SGK1: variants seen among roughly 807,000 people sequenced by gnomAD.
SGK1 encodes serine/threonine-protein kinase Sgk1.
SGK1 carries 26 observed loss-of-function variants against 64.2 expected under a neutral mutation model. The ratio of observed to expected loss-of-function variants is 0.40; its 90% CI spans 0.30 to 0.56. The LOEUF (loss-of-function observed/expected upper bound fraction) is 0.56, where lower values mean the gene tolerates loss of function less well. SGK1 is among the 20% of genes least tolerant of loss of function. The pLI is 0.38. For missense variants in SGK1, 519 were observed against 645.6 expected (o/e 0.80, Z 2.12); for synonymous variants, 265 against 239.7 (o/e 1.11, Z -0.98).
intron 1 of SGK1, among the ~76,000 whole-genome samples, chr6:134,276,451 G>A (rs2114765124): frequency 6.6e-6 from 1 of 152,286 alleles, no homozygotes; most frequent in Non-Finnish European, 1.5e-5. Flanking sequence ...CCAACCTTGG[G>A]GTGAGTATGT....
intron 2 of SGK1, among the ~76,000 whole-genome samples, chr6:134,208,167 C>T (rs1354644418): frequency 6.6e-6 from 1 of 152,148 alleles, no homozygotes; most frequent in Non-Finnish European, 1.5e-5. Flanking sequence ...CCACCTCGGC[C>T]TCTCAAAGTG....
intron 3 of SGK1, chr6:134,177,959 A>G (rs1775274788): frequency 6.2e-6 from 5 of 800,636 alleles, no homozygotes; most frequent in Non-Finnish European, 9.7e-6. Flanking sequence ...GACATCACTC[A>G]GAAAATTACA....
chr6:134,307,599 A>G (rs1441184528), intron 1 of SGK1, among the ~76,000 whole-genome samples: 3 of 152,234 alleles, frequency 2.0e-5, no homozygotes, highest in Non-Finnish European at 4.4e-5. Flanking sequence ...TTATAATAGC[A>G]AATACAACAT....
intron 3 of SGK1, among the ~76,000 whole-genome samples, chr6:134,206,508 A>C (rs950966102): frequency 6.7e-6 from 1 of 149,882 alleles, no homozygotes; most frequent in Non-Finnish European, 1.5e-5. Flanking sequence ...ATAAACGACA[A>C]AGGGATCTAG....
At chr6:134,180,808 GT>G (rs1164141216) in intron 3 of SGK1, among the ~76,000 whole-genome samples, 2 of 150,442 alleles carry the variant, frequency 1.3e-5, no homozygotes, top group African/African-American at 4.9e-5. Flanking sequence ...GGTGTTGGAG[GT>G]TTCAGTGAGC....
At chr6:134,172,579 A>G in intron 9 of SGK1, 83 bp downstream of exon 9, 2 of 970,354 alleles carry the variant, frequency 2.1e-6, no homozygotes, top group South Asian at 1.5e-5. Flanking sequence ...AATAAACACA[A>G]ATTATTTTAA....
chr6:134,298,580 G>A (rs1777397705), intron 1 of SGK1: 3 of 920,350 alleles, frequency 3.3e-6, no homozygotes, highest in Admixed American at 2.0e-5. Flanking sequence ...TGCCCACTCA[G>A]GAGGAGCTTG....
chr6:134,181,045 A>C (rs986884704), intron 3 of SGK1, among the ~76,000 whole-genome samples: 6 of 152,304 alleles, frequency 3.9e-5, no homozygotes, highest in Middle Eastern at 6.8e-3. Flanking sequence ...GCCTCCCGCA[A>C]TATCTGGCCT....
chr6:134,280,395 G>A (rs1777075835), intron 1 of SGK1, among the ~76,000 whole-genome samples: 2 of 152,058 alleles, frequency 1.3e-5, no homozygotes, highest in African/African-American at 2.4e-5. Flanking sequence ...GTAAAGGAGT[G>A]AATAGATGCT....
At chr6:134,299,368 C>T (rs1777411901) in intron 1 of SGK1, among the ~76,000 whole-genome samples, 1 of 151,846 alleles carries the variant, frequency 6.6e-6, no homozygotes, top group South Asian at 2.1e-4. Flanking sequence ...TTATCTCAAA[C>T]AAAACAAACA....
intron 2 of SGK1, among the ~76,000 whole-genome samples, chr6:134,219,531 C>T (rs190698658): frequency 1.1e-3 from 165 of 152,072 alleles, no homozygotes; most frequent in African/African-American, 3.8e-3. Context: ...GAGGCTGAGG[C>T]GAGCAGATCA....
Position 134,172,793 on chromosome 6 carries a change from A to G in SGK1, c.835-19T>C. On this transcript the variant is annotated intron_variant, in intron 8 of 13. Coordinates refer to ENST00000367858, the MANE Select transcript of SGK1 (RefSeq NM_001143676.3). Reference sequence around the variant, plus strand: ...AGAACAACTGCAGGAGACAGAACAAAGTCATTCTGGGTTGCAAATGAATTT... The same window carrying G: ...AGAACAACTGCAGGAGACAGAACAAGGTCATTCTGGGTTGCAAATGAATTT... 6.4e-7 allele frequency: 1 copy of G among 1,555,970 alleles called. No individual in the cohort carries two copies. Among genetic ancestry groups the G allele is most frequent in the Non-Finnish European group, 8.9e-7 (1 of 1,127,212 alleles).
intron 2 of SGK1, among the ~76,000 whole-genome samples, chr6:134,224,678 G>A (rs1016163475): frequency 9.9e-5 from 15 of 152,004 alleles, no homozygotes; most frequent in African/African-American, 2.9e-4. Context: ...TTCTCTTTAC[G>A]TGAATTGAAT....
At chr6:134,297,505 T>G (rs1357845728) in intron 1 of SGK1, 1 of 578,920 alleles carries the variant, frequency 1.7e-6, no homozygotes, top group East Asian at 4.4e-5. Context: ...ATCTTGGAGA[T>G]CTCTGTCTTG....
At chr6:134,255,612 G>A (rs569777626) in intron 2 of SGK1, among the ~76,000 whole-genome samples, 128 of 122,504 alleles carry the variant, frequency 1.0e-3, no homozygotes, top group African/African-American at 3.4e-3. Context: ...ATGGAGCCTC[G>A]CTCTTGTCAC....
rs183475919 is a variant in SGK1 at position 134,257,780 on chromosome 6, A to G, written c.285+4153T>C. Among the ~76,000 whole-genome samples, 252 of 152,326 alleles carry G rather than the reference A, an allele frequency of 1.7e-3. 1 individual carries two copies. Among genetic ancestry groups the G allele is most frequent in the Admixed American group, 5.4e-3 (82 of 15,300 alleles). On this transcript the variant is annotated intron_variant, in intron 2 of 13. Transcript: ENST00000367858. ...GACTCCAGCACATGCACATCAATTT[A>G]CGTTTACAAAAGAGTTTTTAAAATA...
intron 2 of SGK1, among the ~76,000 whole-genome samples, chr6:134,228,443 G>C (rs1776222162): frequency 6.6e-6 from 1 of 151,964 alleles, no homozygotes; most frequent in Non-Finnish European, 1.5e-5. Context: ...AGGTAAGAGG[G>C]GCATAGAGAA....
intron 2 of SGK1, among the ~76,000 whole-genome samples, chr6:134,228,207 G>C (rs559743321): frequency 3.3e-5 from 5 of 152,038 alleles, no homozygotes; most frequent in East Asian, 1.9e-4. Flanking sequence ...CACCCGCCTC[G>C]GCCTCCCAAA....
At chr6:134,248,446 T>A (rs1410753715) in intron 2 of SGK1, among the ~76,000 whole-genome samples, 9 of 48,872 alleles carry the variant, frequency 1.8e-4, no homozygotes, top group Admixed American at 1.1e-3. Context: ...CTCCTCCGCC[T>A]TTTTTTTTTT....
Sources: allele counts gnomAD v4.1 joint callset (sites outside exome capture counted in the v4.1 genomes callset), GRCh38; gene constraint gnomAD v4.1.1; transcripts MANE v1.5; gene names NCBI Gene and HGNC (gene_info 2026-07-23, HGNC 2026-07-21).